The following RFX4 variants were observed in gnomAD, a reference collection of about 807,000 sequenced individuals.
RFX4 encodes the protein regulatory factor X4.
RFX4 carries 10 observed loss-of-function variants against 95.0 expected under a neutral mutation model. That is an observed-to-expected ratio of 0.11 (90% confidence interval 0.06 to 0.18). The LOEUF is 0.18. RFX4 is among the 10% of genes least tolerant of loss of function. RFX4 has a pLI of 1.00. For missense variants in RFX4, 640 were observed against 922.0 expected (o/e 0.69, Z 3.96); for synonymous variants, 321 against 340.7 (o/e 0.94, Z 0.64).
intron 7 of RFX4, among the ~76,000 whole-genome samples, chr12:106,692,864 A>C (rs2041810402): frequency 6.6e-6 from 1 of 152,172 alleles, no homozygotes; most frequent in Non-Finnish European, 1.5e-5. Context: ...TCTTCATTTT[A>C]CAAATGCTGG....
At chr12:106,754,977 G>C (rs963555226) in intron 17 of RFX4, among the ~76,000 whole-genome samples, 5 of 152,184 alleles carry the variant, frequency 3.3e-5, no homozygotes, top group African/African-American at 1.2e-4. Flanking sequence ...TATACTCTCT[G>C]GGGGAAGGTA....
At chr12:106,708,348 T>G (rs1210887578) in intron 8 of RFX4, among the ~76,000 whole-genome samples, 1 of 151,650 alleles carries the variant, frequency 6.6e-6, no homozygotes, top group Non-Finnish European at 1.5e-5. Context: ...TGTATGTTTT[T>G]TTTTTTTCCC....
intron 3 of RFX4, among the ~76,000 whole-genome samples, chr12:106,652,696 A>G (rs1829012997): frequency 6.6e-6 from 1 of 152,168 alleles, no homozygotes; most frequent in African/African-American, 2.4e-5. Flanking sequence ...CTAGGGTTGT[A>G]TTCCCCCTCT....
intron 1 of RFX4, among the ~76,000 whole-genome samples, chr12:106,587,631 TC>T (rs1183200289): frequency 6.0e-4 from 91 of 151,938 alleles, no homozygotes; most frequent in Non-Finnish European, 3.5e-4. Context: ...TCTTCCAGCC[TC>T]CCCCCTCACC....
chr12:106,695,196 G>A (rs949308762), intron 7 of RFX4, among the ~76,000 whole-genome samples: 20 of 152,092 alleles, frequency 1.3e-4, no homozygotes, highest in Admixed American at 7.2e-4. Flanking sequence ...GGGAGAGAAG[G>A]AAACATGATC....
rs1343945441 is a variant in RFX4 at position 106,762,506 on chromosome 12, T to C, written c.*1037T>C. 1 of 152,624 alleles carries C rather than the reference T, an allele frequency of 6.6e-6. No individual in the cohort carries two copies. The highest frequency in any genetic ancestry group is 2.4e-5 in the African/African-American group (1 of 41,438). The allele number at this position is 152,624 out of a possible 1,614,324, so 9.5% of individuals were successfully genotyped here. ...AATGTATTGTACTTTTGGAGAATTTTTTGTAGGCATTTTTCTGTCAGATTT... is the reference window on the plus strand; with the variant it reads ...AATGTATTGTACTTTTGGAGAATTTCTTGTAGGCATTTTTCTGTCAGATTT... On this transcript the variant is annotated 3_prime_UTR_variant, in exon 18 of 18. Coordinates refer to ENST00000392842, the MANE Select transcript of RFX4 (RefSeq NM_213594.3).
At chr12:106,657,886 G>C (rs2040992199) in intron 4 of RFX4, among the ~76,000 whole-genome samples, 1 of 151,774 alleles carries the variant, frequency 6.6e-6, no homozygotes, top group Admixed American at 6.6e-5. Context: ...CATTTATATA[G>C]TATAGTTTTC....
At chr12:106,746,877 C>T (rs993931307) in intron 15 of RFX4, among the ~76,000 whole-genome samples, 3 of 152,184 alleles carry the variant, frequency 2.0e-5, no homozygotes, top group Non-Finnish European at 2.9e-5. Flanking sequence ...TTCCTTTCTT[C>T]CTATCCTTCC....
intron 4 of RFX4, among the ~76,000 whole-genome samples, chr12:106,675,237 CCTGGCCAACATGG>C (rs2041368567): frequency 6.6e-6 from 1 of 152,282 alleles, no homozygotes; most frequent in South Asian, 2.1e-4. Flanking sequence ...TTGAGACCAG[CCTGGCCAACATGG>C]CAAAACCCCA....
intron 11 of RFX4, 21 bp from the exon 12 acceptor site, chr12:106,719,939 G>A: frequency 1.3e-6 from 2 of 1,588,172 alleles, no homozygotes; most frequent in Non-Finnish European, 1.7e-6. Flanking sequence ...GATGCGTGTG[G>A]GGTTCTCCTT....
intron 1 of RFX4, among the ~76,000 whole-genome samples, chr12:106,604,408 C>T (rs1296596972): frequency 6.6e-6 from 1 of 152,174 alleles, no homozygotes; most frequent in South Asian, 2.1e-4. Context: ...AGGTGTGAGC[C>T]ACCACACCTG....
At position 106,613,734 on chromosome 12, in the gene RFX4, A is replaced by G. The variant is rs528234167; in HGVS notation, c.130+4851A>G. 5.6e-4 allele frequency among the ~76,000 whole-genome samples: 85 copies of G among 152,294 alleles called. 1 individual carries two copies. Among genetic ancestry groups the G allele is most frequent in the African/African-American group, 1.9e-3 (79 of 41,562 alleles). The stretch of plus-strand genomic sequence containing the variant: ...TGTAGTATCTTTGTCTGGCTTTCAT[A>G]TCATGATAATGCTGGCCTCATAGAA... On this transcript the variant is annotated intron_variant, in intron 2 of 17. Transcript: ENST00000392842.
intron 17 of RFX4, among the ~76,000 whole-genome samples, chr12:106,755,024 A>G (rs116648016): frequency 0.014 from 2,117 of 152,334 alleles, 53 homozygotes; most frequent in African/African-American, 0.049. Context: ...TTTGTTTTTC[A>G]TTAACATTTA....
At chr12:106,679,949 G>C (rs1430927103) in intron 4 of RFX4, among the ~76,000 whole-genome samples, 1 of 152,084 alleles carries the variant, frequency 6.6e-6, no homozygotes, top group Non-Finnish European at 1.5e-5. Context: ...CTTTTACTCA[G>C]GTCACCACAA....
chr12:106,630,555 G>C (rs1219982857), intron 2 of RFX4, among the ~76,000 whole-genome samples: 1 of 152,204 alleles, frequency 6.6e-6, no homozygotes, highest in Non-Finnish European at 1.5e-5. Context: ...TGCAGGGGCT[G>C]GAAACGAGGC....
At chr12:106,749,083 C>CA (rs35924676) in intron 16 of RFX4, among the ~76,000 whole-genome samples, 11,766 of 104,556 alleles carry the variant, frequency 0.11, 636 homozygotes, top group Non-Finnish European at 0.16. Context: ...GACTTCATCT[C>CA]AAAAAAAAAA....
At chr12:106,623,037 CTTTTT>C (rs143790292) in intron 2 of RFX4, among the ~76,000 whole-genome samples, 1 of 120,340 alleles carries the variant, frequency 8.3e-6, no homozygotes, top group Non-Finnish European at 1.7e-5. Flanking sequence ...CAGCATTAGT[CTTTTT>C]TTTTTTTTTT....
chr12:106,600,003 C>G (rs1353803995), intron 1 of RFX4, among the ~76,000 whole-genome samples: 1 of 152,084 alleles, frequency 6.6e-6, no homozygotes, highest in African/African-American at 2.4e-5. Context: ...TTGCTTATGC[C>G]CCACTCTACT....
chr12:106,746,164 T>C (rs992753604), intron 15 of RFX4, among the ~76,000 whole-genome samples: 1 of 152,080 alleles, frequency 6.6e-6, no homozygotes, highest in Non-Finnish European at 1.5e-5. Flanking sequence ...GAGACCAGCC[T>C]GACCAACATG....
Sources: gnomAD v4.1 joint callset for allele counts (sites outside exome capture counted in the v4.1 genomes callset) on GRCh38, gnomAD v4.1.1 for gene constraint, MANE v1.5 for transcripts, NCBI Gene and HGNC (gene_info 2026-07-23, HGNC 2026-07-21) for gene names.